The following SPIDR variants were observed in gnomAD, a reference collection of about 807,000 sequenced individuals.
SPIDR encodes the protein scaffold protein involved in DNA repair.
Under a neutral mutation model 104.6 loss-of-function variants are expected in SPIDR, and 93 were observed. That is an observed-to-expected ratio of 0.89 (90% CI 0.75 to 1.06). The LOEUF (loss-of-function observed/expected upper bound fraction) is 1.06, where lower values mean the gene tolerates loss of function less well. Ranked by LOEUF, SPIDR falls within the 50% of genes least tolerant of loss-of-function variation. The pLI, the probability that SPIDR is intolerant of heterozygous loss-of-function variation, is 0.00. For synonymous variants in SPIDR, 431 were observed against 416.9 expected, an observed-to-expected ratio of 1.03 and a Z score of -0.41; for missense variants, 1,154 against 1,111.2, an observed-to-expected ratio of 1.04 and a Z score of -0.55.
In SPIDR at chr8:47,670,895, C is replaced by T. The variant is rs140157630; in HGVS notation, c.1545-2906C>T. On this transcript the variant is annotated intron_variant, in intron 10 of 19. Transcript: ENST00000297423. ...CAATAATTTCCTTATTCCTAGAGTACGTAATTTAGAAATCATTTTATTTGT... is the reference window on the plus strand; with the variant it reads ...CAATAATTTCCTTATTCCTAGAGTATGTAATTTAGAAATCATTTTATTTGT... 2.7e-4 allele frequency among the ~76,000 whole-genome samples: 41 copies of T among 152,186 alleles called. No individual in the cohort carries two copies. In the East Asian group the frequency reaches 7.5e-3, roughly 28 times the overall value.
At chr8:47,339,855 A>G (rs1554612562) in intron 5 of SPIDR, among the ~76,000 whole-genome samples, 1 of 151,434 alleles carries the variant, frequency 6.6e-6, no homozygotes, top group Non-Finnish European at 1.5e-5. Context: ...AATTTTTTGT[A>G]TTTTTAGTAT....
chr8:47,425,884 A>G (rs2154337121), intron 7 of SPIDR, among the ~76,000 whole-genome samples: 1 of 152,300 alleles, frequency 6.6e-6, no homozygotes, highest in Middle Eastern at 3.4e-3. Flanking sequence ...AAGAAACTAC[A>G]GAAAACACAG....
At chr8:47,608,332 T>C (rs975178520) in intron 10 of SPIDR, among the ~76,000 whole-genome samples, 1 of 152,262 alleles carries the variant, frequency 6.6e-6, no homozygotes, top group Non-Finnish European at 1.5e-5. Context: ...CCATATTTTA[T>C]TTCTCTTTTG....
chr8:47,546,204 G>A (rs1438251952), intron 8 of SPIDR, among the ~76,000 whole-genome samples: 1 of 152,042 alleles, frequency 6.6e-6, no homozygotes, highest in African/African-American at 2.4e-5. Context: ...TTAAGTGTTT[G>A]GTAGAATTCA....
intron 10 of SPIDR, chr8:47,659,634 G>A: frequency 3.6e-4 from 4 of 11,246 alleles, no homozygotes; most frequent in East Asian, 4.7e-3. Context: ...ACCCCGCCCC[G>A]CCCTCGCTCT....
At chr8:47,528,480 C>T (rs2085379311) in intron 8 of SPIDR, among the ~76,000 whole-genome samples, 1 of 152,002 alleles carries the variant, frequency 6.6e-6, no homozygotes, top group Non-Finnish European at 1.5e-5. Context: ...TCTGGTTTTG[C>T]AGAGGTGTTA....
chr8:47,553,338 T>G (rs1283518880), intron 8 of SPIDR, among the ~76,000 whole-genome samples: 1 of 152,202 alleles, frequency 6.6e-6, no homozygotes, highest in African/African-American at 2.4e-5. Context: ...CTGAAGAGTG[T>G]TTTCCAACTT....
At chr8:47,567,780 C>CT (rs35199139) in intron 8 of SPIDR, among the ~76,000 whole-genome samples, 1,047 of 70,866 alleles carry the variant, frequency 0.015, 18 homozygotes, top group East Asian at 0.023. Flanking sequence ...TTTTCTTTTT[C>CT]TTTTTTTTTT....
chr8:47,359,830 G>A (rs2055375220), intron 5 of SPIDR, among the ~76,000 whole-genome samples: 1 of 152,204 alleles, frequency 6.6e-6, no homozygotes, highest in Non-Finnish European at 1.5e-5. Context: ...TACTTCGTAA[G>A]AACAAGCTAT....
chr8:47,373,174 A>G (rs1288994393), intron 5 of SPIDR, among the ~76,000 whole-genome samples: 4 of 152,260 alleles, frequency 2.6e-5, no homozygotes, highest in African/African-American at 9.6e-5. Flanking sequence ...TATTTCAGAT[A>G]GGAGTCTCCT....
At chr8:47,289,662 T>G (rs932276098) in intron 3 of SPIDR, among the ~76,000 whole-genome samples, 1 of 152,232 alleles carries the variant, frequency 6.6e-6, no homozygotes, top group East Asian at 1.9e-4. Context: ...ATTGCAGGTG[T>G]GTAGTAAAAT....
chr8:47,441,610 G>A (rs1314565928), intron 8 of SPIDR, among the ~76,000 whole-genome samples: 2 of 151,996 alleles, frequency 1.3e-5, no homozygotes, highest in Admixed American at 1.3e-4. Flanking sequence ...GCAGGGGTTT[G>A]TTTTGTTGCT....
chr8:47,335,588 T>G (rs1477415782), intron 5 of SPIDR, among the ~76,000 whole-genome samples: 1 of 152,146 alleles, frequency 6.6e-6, no homozygotes, highest in African/African-American at 2.4e-5. Context: ...GTAGCTAGGA[T>G]TACAGGTGTG....
At chr8:47,651,380 A>T (rs192898085) in intron 10 of SPIDR, among the ~76,000 whole-genome samples, 197 of 152,318 alleles carry the variant, frequency 1.3e-3, no homozygotes, top group Non-Finnish European at 1.6e-3. Flanking sequence ...GGGAAATCCA[A>T]ATTAAAACCG....
At chr8:47,432,073 A>G (rs1447589086) in intron 7 of SPIDR, among the ~76,000 whole-genome samples, 3 of 152,182 alleles carry the variant, frequency 2.0e-5, no homozygotes, top group African/African-American at 4.8e-5. Context: ...TGATTTACCA[A>G]TCATTAATAA....
intron 4 of SPIDR, among the ~76,000 whole-genome samples, chr8:47,291,611 A>G (rs1423772267): frequency 6.6e-6 from 1 of 152,218 alleles, no homozygotes; most frequent in Non-Finnish European, 1.5e-5. Flanking sequence ...ATATTTCTCA[A>G]AACAACTCTA....
intron 8 of SPIDR, among the ~76,000 whole-genome samples, chr8:47,502,589 T>A (rs2080705949): frequency 6.6e-6 from 1 of 152,218 alleles, no homozygotes; most frequent in African/African-American, 2.4e-5. Context: ...AAAACCCAGC[T>A]CCTGGATTCA....
At chr8:47,669,126 CAT>C (rs2075426946) in intron 10 of SPIDR, among the ~76,000 whole-genome samples, 1 of 152,174 alleles carries the variant, frequency 6.6e-6, no homozygotes, top group South Asian at 2.1e-4. Context: ...AAGTTATTAA[CAT>C]AATGCTGCCC....
chr8:47,656,039 G>A (rs927126380), intron 10 of SPIDR, among the ~76,000 whole-genome samples: 1 of 152,148 alleles, frequency 6.6e-6, no homozygotes, highest in East Asian at 1.9e-4. Context: ...GTGGACACCT[G>A]CCTCATACCA....
Sources: allele counts gnomAD v4.1 joint callset (sites outside exome capture counted in the v4.1 genomes callset), GRCh38; gene constraint gnomAD v4.1.1; transcripts MANE v1.5; gene names NCBI Gene and HGNC (gene_info 2026-07-23, HGNC 2026-07-21).